Variants in DPYSL5 observed in about 807,000 individuals in gnomAD.
DPYSL5 encodes dihydropyrimidinase like 5.
In DPYSL5, 9 loss-of-function variants were observed where a neutral mutation model predicts 58.4. The ratio of observed to expected loss-of-function variants is 0.15; its 90% CI spans 0.09 to 0.27. The LOEUF (loss-of-function observed/expected upper bound fraction) is 0.27, where lower values mean the gene tolerates loss of function less well. Ranked by LOEUF, DPYSL5 falls within the 10% of genes least tolerant of loss-of-function variation. The pLI is 1.00. For synonymous variants in DPYSL5, 293 were observed against 301.9 expected (o/e 0.97, Z 0.31); for missense variants, 499 against 770.6 (o/e 0.65, Z 4.17).
At chr2:26,896,586 T>C (rs990977197) in intron 1 of DPYSL5, among the ~76,000 whole-genome samples, 3 of 152,200 alleles carry the variant, frequency 2.0e-5, no homozygotes, top group Admixed American at 1.3e-4. Context: ...CTAACAGGTG[T>C]GTGGTGATAA....
chr2:26,892,421 C>T (rs1663904755), intron 1 of DPYSL5, among the ~76,000 whole-genome samples: 1 of 152,204 alleles, frequency 6.6e-6, no homozygotes, highest in East Asian at 1.9e-4. Context: ...AACCTCCAAG[C>T]ATGTGTTACG....
At chr2:26,874,000 C>T (rs1663338898) in intron 1 of DPYSL5, among the ~76,000 whole-genome samples, 1 of 152,168 alleles carries the variant, frequency 6.6e-6, no homozygotes, top group African/African-American at 2.4e-5. Context: ...TTGCATTTCC[C>T]TGATAACCAA....
chr2:26,883,386 ATTGT>A (rs1284722746), intron 1 of DPYSL5, among the ~76,000 whole-genome samples: 8 of 151,696 alleles, frequency 5.3e-5, no homozygotes, highest in East Asian at 3.9e-4. Context: ...ATTTGCTCTT[ATTGT>A]TTGTTTGTTT....
chr2:26,886,140 G>T (rs1277479952), intron 1 of DPYSL5, among the ~76,000 whole-genome samples: 1 of 152,234 alleles, frequency 6.6e-6, no homozygotes, highest in Non-Finnish European at 1.5e-5. Flanking sequence ...GTAGAGAACT[G>T]GGGGTTGTGA....
At chr2:26,876,808 GC>G (rs1049959487) in intron 1 of DPYSL5, among the ~76,000 whole-genome samples, 17 of 152,002 alleles carry the variant, frequency 1.1e-4, no homozygotes, top group African/African-American at 3.9e-4. Flanking sequence ...GAGCCACCGC[GC>G]CCGGCCATGA....
At chr2:26,868,535 T>C (rs1242768129) in intron 1 of DPYSL5, among the ~76,000 whole-genome samples, 1 of 152,242 alleles carries the variant, frequency 6.6e-6, no homozygotes, top group Non-Finnish European at 1.5e-5. Flanking sequence ...AGGGAGCCAA[T>C]TTAATTTTCT....
In DPYSL5 at chr2:26,927,889, G is replaced by C. The variant is rs1032897764; in HGVS notation, c.601-366G>C. ...CTCCTAGGTCTTGGGGTAAGGGCTAGCCTAGCAGTTGCTGGAAGCTAGAGC... is the reference window on the plus strand; with the variant it reads ...CTCCTAGGTCTTGGGGTAAGGGCTACCCTAGCAGTTGCTGGAAGCTAGAGC... On this transcript the variant is annotated intron_variant, in intron 4 of 12. Coordinates refer to ENST00000288699, the MANE Select transcript of DPYSL5 (RefSeq NM_020134.4). The surrounding 1 kb of genome is among the most constrained non-coding windows in gnomAD (Gnocchi z 4.3). Among the ~76,000 whole-genome samples the C allele has an allele frequency of 2.0e-5, 3 of 152,200 alleles. No individual in the cohort carries two copies. The highest frequency in any genetic ancestry group is 2.0e-4 in the Admixed American group (3 of 15,276).
At chr2:26,901,832 A>G (rs1344413509) in intron 2 of DPYSL5, among the ~76,000 whole-genome samples, 1 of 131,724 alleles carries the variant, frequency 7.6e-6, no homozygotes, top group Non-Finnish European at 1.5e-5. Flanking sequence ...CAGCTGGACT[A>G]GGAAAACAAA....
In DPYSL5 at chr2:26,942,640, C is replaced by T; in HGVS notation, c.1330C>T (p.Arg444Cys). ...GCCACTGGTCACCATCAGCCGGGGG[C>T]GCGTCGTGTATGAGAACGGCGTCTT... ...GVPLVTISRGRVVYENGVFMC... is the reference protein window; with the variant it reads ...GVPLVTISRGCVVYENGVFMC... The change falls in exon 11 of 13, where the codon CGC becomes TGC. Residue 444 changes from arginine to cysteine, a missense_variant. By Grantham distance (180) the Arg-to-Cys change is radical (BLOSUM62 -3). Transcript: ENST00000288699. This position sits in a 1 kb window ranked among gnomAD's most constrained non-coding sequence, Gnocchi z 5.9. The T allele has an allele frequency of 6.2e-7, 1 of 1,614,096 alleles. No individual in the cohort carries two copies. Among genetic ancestry groups the T allele is most frequent in the Non-Finnish European group, 8.5e-7 (1 of 1,180,030 alleles).
In DPYSL5 at chr2:26,934,748, G is replaced by A; in HGVS notation, c.947+14G>A. ...CCTGCTGGCCAAGTAAGGCGTTTCA[G>A]CAGCACATTGCAGGGATGTGTACAT... On this transcript the variant is annotated intron_variant, in intron 8 of 12. Coordinates refer to ENST00000288699, the MANE Select transcript of DPYSL5 (RefSeq NM_020134.4). The surrounding 1 kb of genome is among the most constrained non-coding windows in gnomAD (Gnocchi z 4.3). The A allele has an allele frequency of 6.2e-7, 1 of 1,613,730 alleles. No homozygotes were observed. The highest frequency in any genetic ancestry group is 8.5e-7 in the Non-Finnish European group (1 of 1,179,740).
intron 8 of DPYSL5, among the ~76,000 whole-genome samples, chr2:26,938,270 G>T (rs1439272502): frequency 6.6e-6 from 1 of 152,242 alleles, no homozygotes; most frequent in Non-Finnish European, 1.5e-5. Flanking sequence ...TTAAAGAGCA[G>T]GAGTTGAGCC....
intron 5 of DPYSL5, among the ~76,000 whole-genome samples, chr2:26,928,929 T>C (rs1349360657): frequency 1.3e-5 from 2 of 151,452 alleles, no homozygotes; most frequent in African/African-American, 4.9e-5. Context: ...TTAGAAGAAA[T>C]TTCAAACTAT....
At chr2:26,889,381 T>C (rs1391113536) in intron 1 of DPYSL5, among the ~76,000 whole-genome samples, 1 of 152,096 alleles carries the variant, frequency 6.6e-6, no homozygotes, top group Non-Finnish European at 1.5e-5. Context: ...GCCATTCTCC[T>C]GCCTCAGCCT....
At chr2:26,910,345 C>T (rs537598420) in intron 2 of DPYSL5, among the ~76,000 whole-genome samples, 2 of 152,078 alleles carry the variant, frequency 1.3e-5, no homozygotes, top group African/African-American at 4.8e-5. Flanking sequence ...TTTTTTTTCC[C>T]CATCAGTAGT....
intron 5 of DPYSL5, among the ~76,000 whole-genome samples, chr2:26,929,569 C>G (rs1664920628): frequency 6.6e-6 from 1 of 152,252 alleles, no homozygotes; most frequent in Admixed American, 6.5e-5. Flanking sequence ...CCATCCCTCC[C>G]CATTTCCCAC....
At chr2:26,907,176 G>A (rs534765998) in intron 2 of DPYSL5, among the ~76,000 whole-genome samples, 3 of 152,048 alleles carry the variant, frequency 2.0e-5, no homozygotes, top group South Asian at 2.1e-4. Context: ...GTGCAGTGGT[G>A]CAATCTTGGC....
At chr2:26,932,107 G>GGAA (rs1558351281) in intron 6 of DPYSL5, among the ~76,000 whole-genome samples, 21 of 102,026 alleles carry the variant, frequency 2.1e-4, no homozygotes, top group African/African-American at 5.9e-4. Context: ...GAGAAAGAAA[G>GGAA]AAAAGAAAAA....
Position 26,898,503 on chromosome 2 carries a change from C to T in DPYSL5, c.4C>T (p.Leu2Phe). 6.2e-7 allele frequency: 1 copy of T among 1,613,640 alleles called. No homozygotes were observed. Among genetic ancestry groups the T allele is most frequent in the Non-Finnish European group, 8.5e-7 (1 of 1,179,640 alleles). Residue 2 changes from leucine to phenylalanine, a missense_variant, in exon 2 of 13, where the codon CTT (leucine) becomes TTT (phenylalanine). Physicochemically the swap from Leu to Phe is conservative, Grantham distance 22. Coordinates refer to ENST00000288699, the MANE Select transcript of DPYSL5 (RefSeq NM_020134.4). This position sits in a 1 kb window ranked among gnomAD's most constrained non-coding sequence, Gnocchi z 6.1. M[L>F]ANSASVRILI... ...ATGCTCACCTTCTTGTAGGAACATG[C>T]TTGCCAACTCAGCCAGCGTGAGGAT...
intron 6 of DPYSL5, among the ~76,000 whole-genome samples, chr2:26,932,077 GAAAGAAAAGAAAA>G (rs1665012612): frequency 1.7e-5 from 1 of 58,276 alleles, no homozygotes; most frequent in African/African-American, 6.6e-5. Context: ...AAGAAAGAAA[GAAAGAAAAGAAAA>G]AAGAAAGAGA....
Sources: gnomAD v4.1 joint callset for allele counts (sites outside exome capture counted in the v4.1 genomes callset) on GRCh38, gnomAD v4.1.1 for gene constraint, Gnocchi (gnomAD v3.1) non-coding constraint, MANE v1.5 for transcripts, NCBI Gene and HGNC (gene_info 2026-07-23, HGNC 2026-07-21) for gene names.